The following PDE4D variants were observed in gnomAD, a reference collection of about 807,000 sequenced individuals.
The protein encoded by PDE4D is phosphodiesterase 4D.
A neutral mutation model predicts 87.4 loss-of-function variants in PDE4D; 24 were observed. The observed-to-expected ratio is 0.27, with a 90% confidence interval of 0.20 to 0.39. The LOEUF (loss-of-function observed/expected upper bound fraction) is 0.39, where lower values mean the gene tolerates loss of function less well. Ranked by LOEUF, PDE4D falls within the 10% of genes least tolerant of loss-of-function variation. The pLI is 1.00. For synonymous variants in PDE4D, 384 were observed against 383.2 expected (o/e 1.00, Z -0.02); for missense variants, 714 against 1,041.0 (o/e 0.69, Z 4.32).
chr5:59,099,906 C>T (rs1433857470), intron 5 of PDE4D, among the ~76,000 whole-genome samples: 5 of 152,194 alleles, frequency 3.3e-5, no homozygotes, highest in African/African-American at 4.8e-5. Flanking sequence ...GCATATGCTT[C>T]CTTCAGCACT....
chr5:59,258,580 A>G (rs1278871947), intron 1 of PDE4D, among the ~76,000 whole-genome samples: 1 of 150,912 alleles, frequency 6.6e-6, no homozygotes, highest in Non-Finnish European at 1.5e-5. Flanking sequence ...ATCTTCTTGT[A>G]TCATCTTTGT....
At chr5:59,425,852 T>C (rs1370440845) in intron 1 of PDE4D, among the ~76,000 whole-genome samples, 2 of 152,192 alleles carry the variant, frequency 1.3e-5, no homozygotes, top group Non-Finnish European at 2.9e-5. Flanking sequence ...CAATCATTAT[T>C]AGTAAATCAT....
At chr5:60,443,489 G>A (rs76175056) in intron 1 of PDE4D, among the ~76,000 whole-genome samples, 1 of 152,114 alleles carries the variant, frequency 6.6e-6, no homozygotes. Flanking sequence ...TAAATGAGGA[G>A]GTTCTTTTTC....
At chr5:59,111,779 A>G (rs1388329611) in intron 5 of PDE4D, among the ~76,000 whole-genome samples, 1 of 152,220 alleles carries the variant, frequency 6.6e-6, no homozygotes, top group Non-Finnish European at 1.5e-5. Context: ...AAGGCTCTTA[A>G]TGGGAAACCA....
intron 5 of PDE4D, among the ~76,000 whole-genome samples, chr5:59,164,290 T>C (rs1162541943): frequency 2.6e-5 from 4 of 152,230 alleles, no homozygotes; most frequent in Non-Finnish European, 4.4e-5. Flanking sequence ...CTTTACTTCA[T>C]TGTTGCTTAC....
At chr5:59,561,859 G>A (rs922943997) in intron 1 of PDE4D, among the ~76,000 whole-genome samples, 2 of 151,802 alleles carry the variant, frequency 1.3e-5, no homozygotes, top group Non-Finnish European at 2.9e-5. Flanking sequence ...TTGAACCCGG[G>A]AGGCAGATGT....
At chr5:60,095,912 A>G (rs36145010) in intron 2 of PDE4D, among the ~76,000 whole-genome samples, 21,381 of 152,046 alleles carry the variant, frequency 0.14, 1,557 homozygotes, top group Middle Eastern at 0.22. Context: ...GTCTGTTTAT[A>G]TCCTTCACCC....
intron 6 of PDE4D, among the ~76,000 whole-genome samples, chr5:59,001,200 C>G (rs892278737): frequency 1.3e-5 from 2 of 152,112 alleles, no homozygotes; most frequent in Admixed American, 6.5e-5. Flanking sequence ...GGGTGAGAAA[C>G]AAGGAAAAAC....
chr5:59,380,388 CAAAAA>C (rs10574102), intron 1 of PDE4D, among the ~76,000 whole-genome samples: 1 of 108,958 alleles, frequency 9.2e-6, no homozygotes, highest in South Asian at 3.0e-4. Flanking sequence ...CAAAAGCAAT[CAAAAA>C]AAAAAAAAAA....
intron 5 of PDE4D, among the ~76,000 whole-genome samples, chr5:59,093,318 C>T (rs553196221): frequency 9.9e-5 from 15 of 152,230 alleles, no homozygotes; most frequent in African/African-American, 3.1e-4. Context: ...CTACTGGAAG[C>T]GGAGTCTTTC....
chr5:59,327,837 T>A (rs1453802131), intron 1 of PDE4D, among the ~76,000 whole-genome samples: 1 of 152,142 alleles, frequency 6.6e-6, no homozygotes, highest in Non-Finnish European at 1.5e-5. Flanking sequence ...TGATATGGAG[T>A]TGAACAAATT....
intron 1 of PDE4D, among the ~76,000 whole-genome samples, chr5:60,294,131 A>G (rs73104776): frequency 0.06 from 9,187 of 152,002 alleles, 914 homozygotes; most frequent in African/African-American, 0.21. Context: ...TTTCTAGTGG[A>G]TGTGTGGTGG....
intron 2 of PDE4D, among the ~76,000 whole-genome samples, chr5:60,104,449 A>G (rs1304676248): frequency 6.6e-6 from 1 of 152,182 alleles, no homozygotes; most frequent in Non-Finnish European, 1.5e-5. Context: ...GACAAACAAA[A>G]AGACAGCAGT....
intron 1 of PDE4D, among the ~76,000 whole-genome samples, chr5:59,800,354 T>A (rs1225300264): frequency 6.6e-6 from 1 of 152,118 alleles, no homozygotes; most frequent in Non-Finnish European, 1.5e-5. Flanking sequence ...TGAAAAGATG[T>A]TTAATTTTCC....
chr5:59,032,688 T>C (rs753460019), intron 6 of PDE4D, among the ~76,000 whole-genome samples: 17 of 152,246 alleles, frequency 1.1e-4, no homozygotes, highest in Non-Finnish European at 2.4e-4. Context: ...AAGAAATATG[T>C]GACACAGAGT....
At chr5:59,159,864 C>A (rs903813005) in intron 5 of PDE4D, among the ~76,000 whole-genome samples, 1 of 152,168 alleles carries the variant, frequency 6.6e-6, no homozygotes, top group Non-Finnish European at 1.5e-5. Context: ...TTAGTAACAT[C>A]ATGAACTGAC....
chr5:60,507,698 C>T (rs1362490263), intron 1 of PDE4D, among the ~76,000 whole-genome samples: 3 of 152,046 alleles, frequency 2.0e-5, no homozygotes, highest in Non-Finnish European at 4.4e-5. Context: ...AATACAATGT[C>T]AAGACACCAC....
chr5:60,401,832 T>C (rs1480506551), intron 1 of PDE4D, among the ~76,000 whole-genome samples: 5 of 152,242 alleles, frequency 3.3e-5, no homozygotes, highest in African/African-American at 9.6e-5. Flanking sequence ...TCAACAGATA[T>C]GTCTAGCCCA....
intron 1 of PDE4D, among the ~76,000 whole-genome samples, chr5:59,777,323 C>A (rs1764177151): frequency 6.6e-6 from 1 of 152,126 alleles, no homozygotes. Context: ...TTAGCAAAGA[C>A]TATGAGAGGG....
Sources: gnomAD v4.1 joint callset for allele counts (sites outside exome capture counted in the v4.1 genomes callset) on GRCh38, gnomAD v4.1.1 for gene constraint, MANE v1.5 for transcripts, NCBI Gene and HGNC (gene_info 2026-07-23, HGNC 2026-07-21) for gene names.